Variants in GALNT13 observed in about 807,000 individuals in gnomAD.
GALNT13 encodes polypeptide N-acetylgalactosaminyltransferase 13.
A neutral mutation model predicts 64.2 loss-of-function variants in GALNT13; 28 were observed. That is an observed-to-expected ratio of 0.44 (90% CI 0.32 to 0.60). GALNT13 has a LOEUF of 0.60. GALNT13 is among the 20% of genes least tolerant of loss of function. The pLI is 0.05. For synonymous variants in GALNT13, 214 were observed against 224.6 expected (o/e 0.95, Z 0.42); for missense variants, 577 against 669.8 (o/e 0.86, Z 1.53).
chr2:153,863,370 A>G, the GALNT13 span, among the ~76,000 whole-genome samples: 1 of 152,248 alleles, frequency 6.6e-6, no homozygotes, highest in African/African-American at 2.4e-5. Context: ...CAATGCACAA[A>G]TGTAAAATTA....
At chr2:153,525,201 C>T in the GALNT13 span, among the ~76,000 whole-genome samples, 2 of 152,198 alleles carry the variant, frequency 1.3e-5, no homozygotes, top group African/African-American at 4.8e-5. Flanking sequence ...CAGCATTAAT[C>T]ACCTCCTAGC....
At chr2:153,086,385 C>T in the GALNT13 span, among the ~76,000 whole-genome samples, 12 of 152,088 alleles carry the variant, frequency 7.9e-5, no homozygotes, top group Admixed American at 2.6e-4. Flanking sequence ...CCAAATCTCA[C>T]GTTGAATTGT....
rs200898487 is a variant in GALNT13 at position 154,004,216 on chromosome 2, G to GTT, written c.142+59584_142+59585dup. Among the ~76,000 whole-genome samples, 713 of 146,058 alleles carry GTT rather than the reference G, an allele frequency of 4.9e-3. 9 individuals carry two copies. Among genetic ancestry groups the GTT allele is most frequent in the African/African-American group, 0.017 (648 of 38,856 alleles). ...GTTTAATTTCCTTTAATTTTTTTTT[G>GTT]TTTTTTTTGAGACGGAGTCTTGCTC... On this transcript the variant is annotated intron_variant, in intron 3 of 12. Transcript: ENST00000392825.
At chr2:153,631,489 T>C in the GALNT13 span, among the ~76,000 whole-genome samples, 1 of 152,206 alleles carries the variant, frequency 6.6e-6, no homozygotes, top group African/African-American at 2.4e-5. Context: ...CCTGACTTTT[T>C]AATGATCGCC....
intron 8 of GALNT13, among the ~76,000 whole-genome samples, chr2:154,298,506 A>C (rs1158711752): frequency 9.4e-6 from 1 of 106,500 alleles, no homozygotes; most frequent in African/African-American, 3.4e-5. Flanking sequence ...ATATACATAT[A>C]TAAATTATAT....
chr2:154,357,025 G>A (rs1325603922), intron 9 of GALNT13, among the ~76,000 whole-genome samples: 1 of 151,788 alleles, frequency 6.6e-6, no homozygotes, highest in Admixed American at 6.6e-5. Flanking sequence ...TAAAACTGTG[G>A]GAACTTAGTG....
chr2:153,523,370 T>G, the GALNT13 span, among the ~76,000 whole-genome samples: 4 of 152,152 alleles, frequency 2.6e-5, no homozygotes, highest in Non-Finnish European at 4.4e-5. Context: ...CTTGCTGGAA[T>G]TTTGACTGGA....
At chr2:154,261,947 A>T (rs984026382) in intron 8 of GALNT13, among the ~76,000 whole-genome samples, 3 of 152,116 alleles carry the variant, frequency 2.0e-5, no homozygotes, top group African/African-American at 7.2e-5. Flanking sequence ...ATTCTGACTC[A>T]CCTCAAGGTA....
the GALNT13 span, among the ~76,000 whole-genome samples, chr2:153,269,750 CA>C: frequency 6.6e-6 from 1 of 152,104 alleles, no homozygotes; most frequent in Admixed American, 6.5e-5. Flanking sequence ...CTTCATGGCT[CA>C]GGGGGCCTGA....
chr2:153,678,777 A>G, the GALNT13 span, among the ~76,000 whole-genome samples: 1 of 152,132 alleles, frequency 6.6e-6, no homozygotes, highest in Non-Finnish European at 1.5e-5. Flanking sequence ...AGGATGGTTG[A>G]AAGAGTATGG....
the GALNT13 span, among the ~76,000 whole-genome samples, chr2:153,153,068 C>T: frequency 6.6e-6 from 1 of 152,118 alleles, no homozygotes; most frequent in African/African-American, 2.4e-5. Flanking sequence ...TTGCTAGCAT[C>T]TGTTGTTGAC....
At chr2:153,352,095 G>A in the GALNT13 span, among the ~76,000 whole-genome samples, 1 of 152,122 alleles carries the variant, frequency 6.6e-6, no homozygotes, top group Admixed American at 6.5e-5. Flanking sequence ...GAGAGTTCCT[G>A]TTGTTCCACA....
chr2:154,431,032 G>T (rs537517920), intron 11 of GALNT13, among the ~76,000 whole-genome samples: 5 of 152,112 alleles, frequency 3.3e-5, no homozygotes, highest in African/African-American at 1.2e-4. Flanking sequence ...CATGTGCCTT[G>T]CTTTAAATGC....
the GALNT13 span, among the ~76,000 whole-genome samples, chr2:153,577,902 T>TTA: frequency 3.4e-3 from 511 of 148,984 alleles, 6 homozygotes; most frequent in African/African-American, 0.01. Context: ...GTTTGTGTCT[T>TTA]TATATATATA....
At chr2:153,353,084 T>A in the GALNT13 span, among the ~76,000 whole-genome samples, 1 of 152,130 alleles carries the variant, frequency 6.6e-6, no homozygotes, top group African/African-American at 2.4e-5. Context: ...CTATACATGA[T>A]CCATAAATGG....
At chr2:153,449,330 C>A in the GALNT13 span, among the ~76,000 whole-genome samples, 3 of 152,252 alleles carry the variant, frequency 2.0e-5, no homozygotes, top group Non-Finnish European at 4.4e-5. Context: ...CTGCTTACTT[C>A]TCACCATTTC....
At chr2:154,144,255 C>T (rs1205010517) in intron 4 of GALNT13, among the ~76,000 whole-genome samples, 1 of 152,112 alleles carries the variant, frequency 6.6e-6, no homozygotes, top group African/African-American at 2.4e-5. Context: ...AATTGTAGAA[C>T]TGCCTGGGAA....
the GALNT13 span, among the ~76,000 whole-genome samples, chr2:153,450,412 A>G: frequency 1.3e-5 from 2 of 152,132 alleles, no homozygotes; most frequent in South Asian, 4.1e-4. Context: ...AAGCAAAATG[A>G]TCCATGATCA....
At chr2:154,230,446 A>G (rs561503218) in intron 4 of GALNT13, among the ~76,000 whole-genome samples, 230 of 152,218 alleles carry the variant, frequency 1.5e-3, no homozygotes, top group African/African-American at 5.2e-3. Context: ...CAAAGGCCAC[A>G]ACATTTACTT....
Sources: allele counts gnomAD v4.1 joint callset (sites outside exome capture counted in the v4.1 genomes callset), GRCh38; gene constraint gnomAD v4.1.1; transcripts MANE v1.5; gene names NCBI Gene and HGNC (gene_info 2026-07-23, HGNC 2026-07-21).